The following FCHSD2 variants were observed in gnomAD, a reference collection of about 807,000 sequenced individuals.
FCHSD2 encodes the protein F-BAR and double SH3 domains protein 2.
In FCHSD2, 38 loss-of-function variants were observed where a neutral mutation model predicts 108.1. The observed-to-expected ratio is 0.35, with a 90% CI of 0.27 to 0.46. FCHSD2 has a LOEUF of 0.46. Ranked by LOEUF, FCHSD2 falls within the 20% of genes least tolerant of loss-of-function variation. The probability of loss-of-function intolerance (pLI) is 1.00; values close to 1 mark genes in which losing one functional copy is unlikely to be tolerated. For synonymous variants in FCHSD2, 279 were observed against 314.7 expected (o/e 0.89, Z 1.20); for missense variants, 751 against 897.8 (o/e 0.84, Z 2.09).
In FCHSD2 at chr11:72,894,680, G is replaced by C. The variant is rs116437116; in HGVS notation, c.925-4735C>G. ...TGTATTCCAACTACACGTTTGTACA[G>C]GTTCACAATCCCACAATTCTGAAAT... On this transcript the variant is annotated intron_variant, in intron 10 of 19. Coordinates refer to ENST00000409418, the MANE Select transcript of FCHSD2 (RefSeq NM_014824.3). Among the ~76,000 whole-genome samples the C allele has an allele frequency of 3.1e-3, 468 of 152,160 alleles. 2 individuals carry two copies. Among genetic ancestry groups the C allele is most frequent in the African/African-American group, 0.011 (449 of 41,528 alleles).
chr11:72,935,188 G>A (rs1188651036), intron 8 of FCHSD2, among the ~76,000 whole-genome samples: 1 of 152,160 alleles, frequency 6.6e-6, no homozygotes, highest in Non-Finnish European at 1.5e-5. Context: ...TTACAGGAAA[G>A]TGTAAATGTC....
At chr11:72,967,655 T>C (rs533976227) in intron 8 of FCHSD2, among the ~76,000 whole-genome samples, 12 of 152,100 alleles carry the variant, frequency 7.9e-5, no homozygotes, top group African/African-American at 2.9e-4. Flanking sequence ...TAGAGCTTTT[T>C]TGGGGGATAA....
intron 2 of FCHSD2, among the ~76,000 whole-genome samples, chr11:73,121,149 ACT>A (rs1299917590): frequency 6.6e-6 from 1 of 150,994 alleles, no homozygotes; most frequent in Non-Finnish European, 1.5e-5. Context: ...TTGGGGTCTC[ACT>A]CTCTCTCTTA....
chr11:73,068,995 C>T (rs1449584752), intron 3 of FCHSD2, among the ~76,000 whole-genome samples: 2 of 149,820 alleles, frequency 1.3e-5, no homozygotes, highest in East Asian at 2.0e-4. Context: ...AGCCTGATGA[C>T]AGAGCAAAAC....
At chr11:73,138,771 TTAATTTTTGTATTTTTA>T (rs1172539956) in intron 2 of FCHSD2, among the ~76,000 whole-genome samples, 2 of 151,972 alleles carry the variant, frequency 1.3e-5, no homozygotes, top group Non-Finnish European at 2.9e-5. Context: ...CCATGCCTGG[TTAATTTTTGTATTTTTA>T]GTAGAGACAG....
intron 2 of FCHSD2, among the ~76,000 whole-genome samples, chr11:73,134,268 C>T (rs1167444809): frequency 6.6e-6 from 1 of 151,922 alleles, no homozygotes. Flanking sequence ...CCCAGGAGTT[C>T]GAGACCAGCT....
chr11:73,025,277 G>GTA (rs201906618), intron 3 of FCHSD2, among the ~76,000 whole-genome samples: 3,576 of 152,222 alleles, frequency 0.023, 145 homozygotes, highest in African/African-American at 0.08. Flanking sequence ...AGAAAATGTG[G>GTA]TATATATATA....
intron 17 of FCHSD2, 92 bp downstream of exon 17, chr11:72,842,529 G>C: frequency 6.6e-7 from 1 of 1,505,600 alleles, no homozygotes; most frequent in Non-Finnish European, 9.0e-7. Flanking sequence ...GTAAGGCAGA[G>C]ACTGCAGCCC....
intron 4 of FCHSD2, among the ~76,000 whole-genome samples, chr11:73,008,947 G>T (rs1423105227): frequency 6.6e-6 from 1 of 150,858 alleles, no homozygotes; most frequent in African/African-American, 2.4e-5. Flanking sequence ...TTAAAGACAA[G>T]AATATAAATA....
chr11:73,059,516 T>A (rs781593373), intron 3 of FCHSD2, among the ~76,000 whole-genome samples: 3 of 152,182 alleles, frequency 2.0e-5, no homozygotes, highest in Admixed American at 1.3e-4. Flanking sequence ...GAATGCTCCC[T>A]ACCCTTCACT....
chr11:72,848,412 G>C (rs1451505317), intron 14 of FCHSD2, among the ~76,000 whole-genome samples: 30 of 152,142 alleles, frequency 2.0e-4, no homozygotes, highest in Admixed American at 2.0e-3. Flanking sequence ...ATCTAGAAAG[G>C]TCTTAAATCA....
rs572138563 is a variant in FCHSD2 at position 72,872,380 on chromosome 11, C to T, written c.1147-4354G>A. On this transcript the variant is annotated intron_variant, in intron 12 of 19. Coordinates refer to ENST00000409418, the MANE Select transcript of FCHSD2 (RefSeq NM_014824.3). ...ATATTCATAGTACATGCAACCATCA[C>T]CACAGTCAAATTTAGAATATTTTAT... Among the ~76,000 whole-genome samples, 9 of 150,886 alleles carry T rather than the reference C, an allele frequency of 6.0e-5. No individual in the cohort carries two copies. In the South Asian group the frequency reaches 1.9e-3, roughly 32 times the overall value.
At position 72,860,148 on chromosome 11, in the gene FCHSD2, C is replaced by T. The variant is rs149932797; in HGVS notation, c.1308+7717G>A. ...AATGCTGCCTGCTGGTCTGACAGGA[C>T]GCAGAGCTCAAGCAGTAATGCTCCC... On this transcript the variant is annotated intron_variant, in intron 13 of 19. Coordinates refer to ENST00000409418, the MANE Select transcript of FCHSD2 (RefSeq NM_014824.3). Among the ~76,000 whole-genome samples the T allele has an allele frequency of 2.9e-3, 438 of 152,300 alleles. 1 individual carries two copies. The highest frequency in any genetic ancestry group is 4.2e-3 in the Non-Finnish European group (287 of 68,032).
At chr11:72,899,529 T>A (rs1855484175) in intron 10 of FCHSD2, among the ~76,000 whole-genome samples, 1 of 151,842 alleles carries the variant, frequency 6.6e-6, no homozygotes, top group Non-Finnish European at 1.5e-5. Context: ...GCCCAGGAGT[T>A]CAAGGCCAGC....
chr11:72,954,191 TG>T (rs1856668308), intron 8 of FCHSD2, among the ~76,000 whole-genome samples: 2 of 127,836 alleles, frequency 1.6e-5, no homozygotes, highest in Admixed American at 9.5e-5. Context: ...GCAGTAGATG[TG>T]GGGATTTTTT....
chr11:72,849,778 A>G lies in FCHSD2; in HGVS notation c.1420T>C (p.Cys474Arg). ...ACCTTGTAGGAATAAACAACTTTGC[A>G]GGTGAGTGGATAATTTCTTAAGGTG... ...SGTLRNYPLT[C>R]KVVYSYKASQ... is the part of the protein sequence containing the mutation. The change falls in exon 14 of 20, where the codon TGC (cysteine) becomes CGC (arginine). Residue 474 changes from cysteine to arginine, a missense_variant. By Grantham distance (180) the Cys-to-Arg change is radical (BLOSUM62 -3). Transcript: ENST00000409418. The G allele has an allele frequency of 6.2e-7, 1 of 1,611,750 alleles. No individual in the cohort carries two copies. The highest frequency in any genetic ancestry group is 8.5e-7 in the Non-Finnish European group (1 of 1,178,358).
At chr11:72,906,917 G>C (rs1006281619) in intron 9 of FCHSD2, among the ~76,000 whole-genome samples, 1 of 152,014 alleles carries the variant, frequency 6.6e-6, no homozygotes, top group Non-Finnish European at 1.5e-5. Context: ...GCTCTTTTTC[G>C]GTTCCATATG....
chr11:72,903,550 G>A (rs1360558026), intron 9 of FCHSD2, among the ~76,000 whole-genome samples: 1 of 151,788 alleles, frequency 6.6e-6, no homozygotes, highest in Non-Finnish European at 1.5e-5. Flanking sequence ...ATTCTGATAA[G>A]GCAGCATAAC....
chr11:73,138,807 C>T (rs926774436), intron 2 of FCHSD2, among the ~76,000 whole-genome samples: 4 of 152,068 alleles, frequency 2.6e-5, no homozygotes, highest in Non-Finnish European at 5.9e-5. Context: ...AGGGTTTTAT[C>T]ATGTTGGCCA....
Sources: allele counts gnomAD v4.1 joint callset (sites outside exome capture counted in the v4.1 genomes callset), GRCh38; gene constraint gnomAD v4.1.1; transcripts MANE v1.5; gene names NCBI Gene and HGNC (gene_info 2026-07-23, HGNC 2026-07-21).